Variants in ENAH observed in about 807,000 individuals in gnomAD.
ENAH encodes the protein ENAH actin regulator.
Under a neutral mutation model 78.7 loss-of-function variants are expected in ENAH, and 23 were observed. That is an observed-to-expected ratio of 0.29 (90% CI 0.21 to 0.41). The LOEUF (loss-of-function observed/expected upper bound fraction) is 0.41. Among genes scored for constraint, ENAH ranks in the 10% least tolerant of loss-of-function variants. The probability of loss-of-function intolerance (pLI) is 1.00; values close to 1 mark genes in which losing one functional copy is unlikely to be tolerated. For missense variants in ENAH, 544 were observed against 691.0 expected (o/e 0.79, Z 2.39); for synonymous variants, 226 against 241.0 (o/e 0.94, Z 0.58).
At chr1:225,646,902 G>C (rs753648133) in intron 1 of ENAH, among the ~76,000 whole-genome samples, 1 of 152,176 alleles carries the variant, frequency 6.6e-6, no homozygotes. Flanking sequence ...ACACTACCCA[G>C]TGATTGGTAT....
intron 2 of ENAH, among the ~76,000 whole-genome samples, chr1:225,563,705 T>C (rs945734994): frequency 3.3e-5 from 5 of 152,198 alleles, no homozygotes; most frequent in African/African-American, 1.2e-4. Flanking sequence ...GACTATTATA[T>C]CTAGGTATAT....
chr1:225,636,293 A>G (rs1660052115), intron 1 of ENAH, among the ~76,000 whole-genome samples: 1 of 152,266 alleles, frequency 6.6e-6, no homozygotes, highest in Admixed American at 6.5e-5. Flanking sequence ...AAAAACTAAC[A>G]GTCAATATGT....
At chr1:225,539,383 G>A (rs945655855) in intron 3 of ENAH, among the ~76,000 whole-genome samples, 3 of 152,002 alleles carry the variant, frequency 2.0e-5, no homozygotes, top group African/African-American at 7.3e-5. Flanking sequence ...GTTTTTTAAC[G>A]TCTTATAATG....
chr1:225,648,020 G>A (rs1662291010), intron 1 of ENAH, among the ~76,000 whole-genome samples: 1 of 152,110 alleles, frequency 6.6e-6, no homozygotes, highest in African/African-American at 2.4e-5. Flanking sequence ...GGGGGTTGGG[G>A]GAGCATGTTA....
At chr1:225,576,631 T>G (rs1360851385) in intron 1 of ENAH, among the ~76,000 whole-genome samples, 3 of 151,972 alleles carry the variant, frequency 2.0e-5, no homozygotes, top group Non-Finnish European at 2.9e-5. Context: ...AGAAAAAGCT[T>G]TACAGCAAAA....
intron 1 of ENAH, among the ~76,000 whole-genome samples, chr1:225,651,797 A>T (rs1663063678): frequency 6.6e-6 from 1 of 152,224 alleles, no homozygotes; most frequent in South Asian, 2.1e-4. Context: ...CTGGAAAAAA[A>T]ATCTCCAATG....
At chr1:225,588,238 TGAA>T (rs1344592923) in intron 1 of ENAH, among the ~76,000 whole-genome samples, 1 of 151,944 alleles carries the variant, frequency 6.6e-6, no homozygotes, top group Non-Finnish European at 1.5e-5. Flanking sequence ...AAGGCACAGA[TGAA>T]GAAAAAAATC....
At chr1:225,546,505 G>C (rs990297758) in intron 3 of ENAH, among the ~76,000 whole-genome samples, 1 of 152,116 alleles carries the variant, frequency 6.6e-6, no homozygotes, top group Non-Finnish European at 1.5e-5. Flanking sequence ...AGAGAGTCTG[G>C]CCCTAACACA....
intron 3 of ENAH, among the ~76,000 whole-genome samples, chr1:225,550,350 G>C (rs553520476): frequency 1.3e-5 from 2 of 152,172 alleles, no homozygotes; most frequent in Non-Finnish European, 2.9e-5. Context: ...GCTGTAGCCC[G>C]ACTGTGACAT....
rs376604009 is a variant in ENAH, at chr1:225,587,024, A to G, written c.6-19610T>C. Reference sequence around the variant, plus strand: ...CTGTCTTGACAAAAACTCTCAGAAAAGTAGGAAGAGAAGTGATTTCCCCTA... The same window carrying G: ...CTGTCTTGACAAAAACTCTCAGAAAGGTAGGAAGAGAAGTGATTTCCCCTA... On this transcript the variant is annotated intron_variant, in intron 1 of 13. Transcript: ENST00000366843. Among the ~76,000 whole-genome samples the G allele has an allele frequency of 2.6e-4, 39 of 152,300 alleles. No individual in the cohort carries two copies. In the South Asian group the frequency reaches 7.9e-3, roughly 31 times the overall value.
intron 1 of ENAH, among the ~76,000 whole-genome samples, chr1:225,602,643 T>C (rs1214213527): frequency 6.6e-6 from 1 of 152,008 alleles, no homozygotes; most frequent in Non-Finnish European, 1.5e-5. Context: ...ATCAAAAACG[T>C]ATAACAAATA....
In ENAH at chr1:225,492,385, T is replaced by C. The variant is rs1291869776; in HGVS notation, c.*5390A>G. ...TAGATGTCCTAACTACTAGGAATTA[T>C]ATGTCTTTAAAAACTGAGGAAAAAG... is the stretch of plus-strand genomic sequence containing the variant. On this transcript the variant is annotated 3_prime_UTR_variant, in exon 14 of 14. Coordinates refer to ENST00000366843, the MANE Select transcript of ENAH (RefSeq NM_018212.6). The C allele has an allele frequency of 6.6e-6, 1 of 152,198 alleles. No homozygotes were observed. The highest frequency in any genetic ancestry group is 1.5e-5 in the Non-Finnish European group (1 of 68,038). The allele number at this position is 152,198 out of a possible 1,614,324, so 9.4% of individuals were successfully genotyped here. A position where few individuals can be genotyped will look rare whatever the true frequency, so the allele number is the denominator to read the frequency against.
In ENAH at chr1:225,652,653, GCCCGCCCGGCCCCCGC is replaced by G; in HGVS notation, c.5+17_5+32del. The G allele has an allele frequency of 7.9e-7, 1 of 1,266,508 alleles. No individual in the cohort carries two copies. The highest frequency in any genetic ancestry group is 9.9e-7 in the Non-Finnish European group (1 of 1,005,606). The allele number at this position is 1,266,508 out of a possible 1,614,324, so 78.5% of individuals were successfully genotyped here. ...GGGTCGCGGCTCCCGCGGCACAATG[GCCCGCCCGGCCCCCGC>G]CCCGCGCGCCCCTCACCTCATGGTG... On this transcript the variant is annotated intron_variant, in intron 1 of 13. Transcript: ENST00000366843.
intron 2 of ENAH, among the ~76,000 whole-genome samples, chr1:225,564,721 G>C (rs1299379344): frequency 6.6e-6 from 1 of 152,016 alleles, no homozygotes; most frequent in Non-Finnish European, 1.5e-5. Context: ...ACAGGTGTGA[G>C]CCACCACGCC....
chr1:225,581,770 T>C (rs1174987905), intron 1 of ENAH, among the ~76,000 whole-genome samples: 2 of 151,862 alleles, frequency 1.3e-5, no homozygotes, highest in East Asian at 1.9e-4. Context: ...CTGCATCCTC[T>C]ACCTCCCAGG....
intron 1 of ENAH, among the ~76,000 whole-genome samples, chr1:225,585,215 C>CAAAAAAAAAAAAAAAAAAAAAAAAAA (rs58586397): frequency 2.0e-5 from 1 of 49,918 alleles, no homozygotes; most frequent in Non-Finnish European, 3.4e-5. Context: ...TACCCTGTCT[C>CAAAAAAAAAAAAAAAAAAAAAAAAAA]AAAAAAAAAA....
intron 1 of ENAH, among the ~76,000 whole-genome samples, chr1:225,641,099 G>A (rs529880065): frequency 4.2e-4 from 64 of 151,684 alleles, no homozygotes; most frequent in African/African-American, 1.5e-3. Flanking sequence ...TCCTGACCTC[G>A]TGATCCACCC....
intron 1 of ENAH, among the ~76,000 whole-genome samples, chr1:225,611,452 G>A (rs1451639316): frequency 6.6e-6 from 1 of 152,046 alleles, no homozygotes; most frequent in Non-Finnish European, 1.5e-5. Flanking sequence ...CTGAGTAGCT[G>A]GGACTACAAG....
At chr1:225,565,744 G>A (rs2096731660) in intron 2 of ENAH, among the ~76,000 whole-genome samples, 3 of 152,054 alleles carry the variant, frequency 2.0e-5, no homozygotes, top group African/African-American at 7.2e-5. Flanking sequence ...CCCAGAACCT[G>A]GACTACAAAT....
Sources: gnomAD v4.1 joint callset for allele counts (sites outside exome capture counted in the v4.1 genomes callset) on GRCh38, gnomAD v4.1.1 for gene constraint, MANE v1.5 for transcripts, NCBI Gene and HGNC (gene_info 2026-07-23, HGNC 2026-07-21) for gene names.